Variants in WDPCP observed in about 807,000 individuals in gnomAD.
WDPCP encodes the protein WD repeat containing planar cell polarity effector, also known as WD repeat-containing and planar cell polarity effector protein fritz homolog.
In WDPCP, 71 loss-of-function variants were observed where a neutral mutation model predicts 93.1. The observed-to-expected ratio is 0.76, with a 90% CI of 0.63 to 0.93. The LOEUF is 0.93. Among genes scored for constraint, WDPCP ranks in the 40% least tolerant of loss-of-function variants. The pLI, the probability that WDPCP is intolerant of heterozygous loss-of-function variation, is 0.00. For synonymous variants in WDPCP, 315 were observed against 315.0 expected (o/e 1.00, Z 0.00); for missense variants, 844 against 887.4 (o/e 0.95, Z 0.62).
At position 63,121,808 on chromosome 2, in the gene WDPCP, G is replaced by T; in HGVS notation, c.*198C>A. Reference sequence around the variant, plus strand: ...AAGTAGGTTGAAGACTTTTACTTACGATCACTTTGCTGTTATGCTGCATGT... The same window carrying T: ...AAGTAGGTTGAAGACTTTTACTTACTATCACTTTGCTGTTATGCTGCATGT... On this transcript the variant is annotated 3_prime_UTR_variant, in exon 18 of 18. Coordinates refer to ENST00000272321, the MANE Select transcript of WDPCP (RefSeq NM_015910.7). The T allele has an allele frequency of 1.5e-6, 2 of 1,305,226 alleles. No individual in the cohort carries two copies. Among genetic ancestry groups the T allele is most frequent in the Non-Finnish European group, 2.0e-6 (2 of 1,003,738 alleles). The allele number at this position is 1,305,226 out of a possible 1,614,324, so 80.9% of individuals were successfully genotyped here.
At chr2:63,837,930 C>G in the WDPCP span, among the ~76,000 whole-genome samples, 1 of 152,170 alleles carries the variant, frequency 6.6e-6, no homozygotes, top group East Asian at 1.9e-4. Flanking sequence ...ACGCCGAAAC[C>G]CTGTCTCTAC....
chr2:63,196,847 T>C (rs1239792247), intron 14 of WDPCP, among the ~76,000 whole-genome samples: 4 of 152,116 alleles, frequency 2.6e-5, no homozygotes, highest in African/African-American at 7.2e-5. Flanking sequence ...GAAGAAGACA[T>C]AGAAGAACCA....
At chr2:63,362,277 T>TTGTGTG (rs140044354) in intron 12 of WDPCP, among the ~76,000 whole-genome samples, 3 of 94,130 alleles carry the variant, frequency 3.2e-5, no homozygotes, top group African/African-American at 4.6e-5. Context: ...TTTTTTTTGG[T>TTGTGTG]TGTGTGTGTG....
intron 1 of WDPCP, among the ~76,000 whole-genome samples, chr2:63,546,608 C>T (rs1351267987): frequency 1.3e-5 from 2 of 152,168 alleles, no homozygotes; most frequent in Non-Finnish European, 2.9e-5. Flanking sequence ...TAAATCTTGA[C>T]TTAGCCCAAA....
intron 12 of WDPCP, among the ~76,000 whole-genome samples, chr2:63,354,811 A>C (rs1211937662): frequency 1.3e-5 from 2 of 152,192 alleles, no homozygotes. Flanking sequence ...GCAATCACAA[A>C]TATTAACAGC....
chr2:63,189,022 G>C (rs1369910794), intron 14 of WDPCP, among the ~76,000 whole-genome samples: 2 of 152,114 alleles, frequency 1.3e-5, no homozygotes, highest in Non-Finnish European at 2.9e-5. Flanking sequence ...CTTTGGGGTT[G>C]TATGTTTACT....
rs780498393 is a variant in WDPCP, at chr2:63,259,372, G to A, written c.1850C>T (p.Ala617Val). 3.1e-6 allele frequency: 5 copies of A among 1,612,286 alleles called. No individual in the cohort carries two copies. The highest frequency in any genetic ancestry group is 1.1e-5 in the South Asian group (1 of 91,074). Reference sequence around the variant, plus strand: ...TCTTTTTCTTGCCACTTCAGCTAGTGCCAATTCACCTTTATCTAGTGCAAG... The same window carrying A: ...TCTTTTTCTTGCCACTTCAGCTAGTACCAATTCACCTTTATCTAGTGCAAG... ...HYLALDKGEL[A>V]LAEVARKRAS... Residue 617 changes from alanine (A) to valine (V), a missense_variant, in exon 14 of 18, where the codon GCA becomes GTA. By Grantham distance (64) the Ala-to-Val change is moderately conservative. Coordinates refer to ENST00000272321, the MANE Select transcript of WDPCP (RefSeq NM_015910.7).
At chr2:63,378,334 T>C (rs1692021611) in intron 12 of WDPCP, 52 bp downstream of exon 12, 1 of 1,610,110 alleles carries the variant, frequency 6.2e-7, no homozygotes, top group Non-Finnish European at 8.5e-7. Flanking sequence ...AGAGGATGTC[T>C]CCTGAAATAA....
chr2:63,172,947 T>C (rs571830904), intron 15 of WDPCP, among the ~76,000 whole-genome samples: 3 of 151,882 alleles, frequency 2.0e-5, no homozygotes, highest in Non-Finnish European at 4.4e-5. Context: ...AACCAAAAAA[T>C]GAGAGGTCAT....
chr2:63,632,640 T>G (rs1035060017), intron 3 of WDPCP, among the ~76,000 whole-genome samples: 2 of 151,978 alleles, frequency 1.3e-5, no homozygotes, highest in African/African-American at 4.8e-5. Context: ...AAGTATAAAC[T>G]CAAAGACAGG....
intron 1 of WDPCP, among the ~76,000 whole-genome samples, chr2:63,568,950 T>C (rs922868688): frequency 1.3e-5 from 2 of 152,192 alleles, no homozygotes; most frequent in South Asian, 2.1e-4. Flanking sequence ...TTTGAACAAA[T>C]TTTGCTTCTA....
chr2:63,442,424 C>T (rs1411220976), intron 6 of WDPCP: 1 of 152,198 alleles, frequency 6.6e-6, no homozygotes, highest in East Asian at 1.9e-4. Flanking sequence ...CAAATCACTG[C>T]TCCTGCCTCC....
intron 3 of WDPCP, among the ~76,000 whole-genome samples, chr2:63,597,011 G>C (rs1406908336): frequency 6.6e-6 from 1 of 152,182 alleles, no homozygotes; most frequent in African/African-American, 2.4e-5. Context: ...TGTGATTGGT[G>C]TCTTAGACCT....
intron 6 of WDPCP, among the ~76,000 whole-genome samples, chr2:63,458,189 G>A (rs1202006960): frequency 2.8e-5 from 4 of 144,310 alleles, no homozygotes; most frequent in South Asian, 2.2e-4. Flanking sequence ...ATTCCTAATC[G>A]ACATAGTACT....
intron 12 of WDPCP, among the ~76,000 whole-genome samples, chr2:63,316,650 C>T (rs959539928): frequency 2.6e-5 from 4 of 150,962 alleles, no homozygotes; most frequent in African/African-American, 9.8e-5. Context: ...GAGTCTCTGC[C>T]TCAAAATAAA....
At chr2:63,579,642 C>T (rs1248432019) in intron 1 of WDPCP, among the ~76,000 whole-genome samples, 2 of 151,904 alleles carry the variant, frequency 1.3e-5, no homozygotes, top group African/African-American at 2.4e-5. Flanking sequence ...AAAAAATCAT[C>T]AACAATCACT....
intron 6 of WDPCP, among the ~76,000 whole-genome samples, chr2:63,446,758 C>T (rs185682411): frequency 1.3e-5 from 2 of 152,144 alleles, no homozygotes; most frequent in East Asian, 1.9e-4. Flanking sequence ...TTGAAAGTGC[C>T]CCATAGCAAG....
At chr2:63,549,534 C>T (rs948863630) in intron 1 of WDPCP, among the ~76,000 whole-genome samples, 4 of 151,812 alleles carry the variant, frequency 2.6e-5, no homozygotes, top group African/African-American at 7.3e-5. Context: ...TTTGGGAGGC[C>T]GAGGCGGGTG....
At chr2:63,304,504 A>T (rs1014650912) in intron 13 of WDPCP, among the ~76,000 whole-genome samples, 3 of 152,192 alleles carry the variant, frequency 2.0e-5, no homozygotes, top group African/African-American at 4.8e-5. Context: ...TCCCCTAGCC[A>T]AGGGAAGCTG....
Sources: allele counts gnomAD v4.1 joint callset (sites outside exome capture counted in the v4.1 genomes callset), GRCh38; gene constraint gnomAD v4.1.1; transcripts MANE v1.5; gene names NCBI Gene and HGNC (gene_info 2026-07-23, HGNC 2026-07-21).